NAAA: variants seen among roughly 807,000 people sequenced by gnomAD.
NAAA encodes the protein N-acylethanolamine-hydrolyzing acid amidase.
NAAA carries 39 observed loss-of-function variants against 44.8 expected under a neutral mutation model. That is an observed-to-expected ratio of 0.87 (90% CI 0.67 to 1.14). NAAA has a LOEUF of 1.14. Ranked by LOEUF, NAAA falls within the 50% of genes most tolerant of loss-of-function variation. NAAA has a pLI of 0.00. For missense variants in NAAA, 460 were observed against 467.8 expected, an observed-to-expected ratio of 0.98 and a Z score of 0.15; for synonymous variants, 178 against 191.3, an observed-to-expected ratio of 0.93 and a Z score of 0.58.
downstream of NAAA, among the ~76,000 whole-genome samples, chr4:75,913,471 T>A (rs1464973728): frequency 1.3e-5 from 2 of 152,048 alleles, no homozygotes; most frequent in African/African-American, 4.8e-5. Flanking sequence ...TTTAACCTTT[T>A]CTGACTTCAT....
At chr4:75,938,462 A>T (rs13138223) in intron 2 of NAAA, among the ~76,000 whole-genome samples, 46,879 of 152,058 alleles carry the variant, frequency 0.31, 7,817 homozygotes, top group South Asian at 0.41. Context: ...TGGTAAAATT[A>T]TAATAACTTA....
At chr4:75,916,504 T>C (rs1457921149) in intron 9 of NAAA, 2 of 152,236 alleles carry the variant, frequency 1.3e-5, no homozygotes, top group African/African-American at 2.4e-5. Context: ...TTCATAACTG[T>C]TAACTCAGTA....
chr4:75,916,059 T>C (rs1364388127), intron 9 of NAAA, among the ~76,000 whole-genome samples: 5 of 152,192 alleles, frequency 3.3e-5, no homozygotes, highest in East Asian at 1.9e-4. Flanking sequence ...AGGACCTTAA[T>C]TGCTCGTTTA....
intron 4 of NAAA, 78 bp downstream of exon 4, chr4:75,931,136 T>C (rs902027679): frequency 7.8e-6 from 9 of 1,158,876 alleles, no homozygotes; most frequent in East Asian, 4.8e-5. Flanking sequence ...GTATATTCTG[T>C]TGGGTGAGTG....
At chr4:75,919,756 G>A in intron 8 of NAAA, 153 bp downstream of exon 8, 2 of 739,884 alleles carry the variant, frequency 2.7e-6, no homozygotes, top group South Asian at 3.3e-5. Flanking sequence ...GGGATTACAG[G>A]TGTGAGCCAC....
chr4:75,935,921 T>TA (rs1280863666), intron 3 of NAAA, 188 bp downstream of exon 3: 34 of 665,608 alleles, frequency 5.1e-5, no homozygotes, highest in Non-Finnish European at 7.3e-5. Flanking sequence ...GAATAATAAA[T>TA]AATAAATGAC....
chr4:75,931,819 T>C (rs1343840697), intron 3 of NAAA, among the ~76,000 whole-genome samples: 3 of 152,268 alleles, frequency 2.0e-5, no homozygotes, highest in Admixed American at 6.5e-5. Context: ...CAACTGATTT[T>C]TTTTGTAATC....
intron 9 of NAAA, among the ~76,000 whole-genome samples, chr4:75,918,074 C>G (rs1725796737): frequency 6.6e-6 from 1 of 152,188 alleles, no homozygotes; most frequent in Non-Finnish European, 1.5e-5. Flanking sequence ...CAGAATATTT[C>G]AAATGTAGGA....
chr4:75,930,677 T>C (rs937529155), intron 4 of NAAA, among the ~76,000 whole-genome samples: 1 of 152,146 alleles, frequency 6.6e-6, no homozygotes, highest in Non-Finnish European at 1.5e-5. Context: ...TCACATCTGT[T>C]CACTCCCTGG....
At chr4:75,915,313 C>A (rs1725536119) in intron 9 of NAAA, among the ~76,000 whole-genome samples, 1 of 152,094 alleles carries the variant, frequency 6.6e-6, no homozygotes, top group Non-Finnish European at 1.5e-5. Context: ...TGCGCCACTG[C>A]ACTCCAGCCT....
downstream of NAAA, among the ~76,000 whole-genome samples, chr4:75,910,862 G>C (rs963304732): frequency 2.6e-5 from 4 of 152,184 alleles, no homozygotes; most frequent in African/African-American, 7.2e-5. Context: ...GAGCAATAAA[G>C]CTTTTTAATC....
chr4:75,923,072 A>G (rs1423562028), intron 5 of NAAA, among the ~76,000 whole-genome samples: 1 of 142,136 alleles, frequency 7.0e-6, no homozygotes, highest in Non-Finnish European at 1.5e-5. Flanking sequence ...TTCTTTTGTT[A>G]TTTCATTTAT....
intron 4 of NAAA, among the ~76,000 whole-genome samples, chr4:75,927,641 C>G (rs1230690659): frequency 2.5e-5 from 3 of 120,270 alleles, no homozygotes; most frequent in Admixed American, 9.0e-5. Context: ...ATGCCCCCCC[C>G]CCCCCCGCCA....
chr4:75,925,427 T>C (rs1726585354), intron 5 of NAAA, among the ~76,000 whole-genome samples: 2 of 152,194 alleles, frequency 1.3e-5, no homozygotes, highest in South Asian at 4.1e-4. Context: ...CTGACTATCC[T>C]AAGCTCCTTG....
intron 4 of NAAA, among the ~76,000 whole-genome samples, chr4:75,930,298 G>A (rs1180655619): frequency 2.0e-5 from 3 of 152,098 alleles, no homozygotes; most frequent in African/African-American, 7.2e-5. Flanking sequence ...GTGTTCCCCT[G>A]AGATCTGGGG....
chr4:75,927,185 G>A (rs1168768548), intron 4 of NAAA, among the ~76,000 whole-genome samples: 7 of 152,156 alleles, frequency 4.6e-5, no homozygotes, highest in Non-Finnish European at 1.0e-4. Context: ...CAGGTATAGT[G>A]GCTCATGCCT....
At chr4:75,937,449 G>A (rs1053652711) in intron 2 of NAAA, among the ~76,000 whole-genome samples, 1 of 151,740 alleles carries the variant, frequency 6.6e-6, no homozygotes, top group Non-Finnish European at 1.5e-5. Flanking sequence ...AAATAAAGAC[G>A]GAAACTTGGT....
At chr4:75,938,615 AT>A (rs1475441977) in intron 2 of NAAA, among the ~76,000 whole-genome samples, 32 of 152,248 alleles carry the variant, frequency 2.1e-4, no homozygotes, top group African/African-American at 7.5e-4. Context: ...GTAAAGTTTC[AT>A]TATTCCAAGA....
chr4:75,925,076 C>T (rs1726537855), intron 5 of NAAA, among the ~76,000 whole-genome samples: 1 of 151,932 alleles, frequency 6.6e-6, no homozygotes, highest in Non-Finnish European at 1.5e-5. Flanking sequence ...AATGCAAGCT[C>T]CGCCTCCCAG....
Sources: gnomAD v4.1 joint callset for allele counts (sites outside exome capture counted in the v4.1 genomes callset) on GRCh38, gnomAD v4.1.1 for gene constraint, MANE v1.5 for transcripts, NCBI Gene and HGNC (gene_info 2026-07-23, HGNC 2026-07-21) for gene names.